HS3ST4: variants seen among roughly 807,000 people sequenced by gnomAD.
HS3ST4 encodes heparan sulfate glucosamine 3-O-sulfotransferase 4.
HS3ST4 carries 17 observed loss-of-function variants against 29.2 expected under a neutral mutation model. That is an observed-to-expected ratio of 0.58 (90% CI 0.40 to 0.87). The LOEUF (loss-of-function observed/expected upper bound fraction) is 0.87, where lower values mean the gene tolerates loss of function less well. Ranked by LOEUF, HS3ST4 falls within the 40% of genes least tolerant of loss-of-function variation. HS3ST4 has a pLI of 0.00. For synonymous variants in HS3ST4, 314 were observed against 285.7 expected, an observed-to-expected ratio of 1.10 and a Z score of -1.00; for missense variants, 627 against 634.5, an observed-to-expected ratio of 0.99 and a Z score of 0.13.
intron 1 of HS3ST4, among the ~76,000 whole-genome samples, chr16:25,751,059 G>A (rs770868863): frequency 7.2e-5 from 11 of 152,148 alleles, no homozygotes; most frequent in Non-Finnish European, 1.2e-4. Flanking sequence ...GCCACTTGAT[G>A]TGCTCATAGA....
intron 1 of HS3ST4, among the ~76,000 whole-genome samples, chr16:25,966,570 G>T (rs564495845): frequency 6.6e-6 from 1 of 152,278 alleles, no homozygotes; most frequent in South Asian, 2.1e-4. Flanking sequence ...ATATTGGCCA[G>T]CAGCTGGGGC....
At chr16:25,729,814 G>C (rs139463713) in intron 1 of HS3ST4, among the ~76,000 whole-genome samples, 1 of 152,268 alleles carries the variant, frequency 6.6e-6, no homozygotes, top group Non-Finnish European at 1.5e-5. Flanking sequence ...GGTTTTCAAT[G>C]AATTGAGAAG....
intron 1 of HS3ST4, among the ~76,000 whole-genome samples, chr16:25,972,627 C>T (rs1442683186): frequency 5.3e-5 from 8 of 152,264 alleles, no homozygotes; most frequent in South Asian, 2.1e-4. Flanking sequence ...CTTGAGAGAG[C>T]GCCAGAAAGA....
intron 1 of HS3ST4, among the ~76,000 whole-genome samples, chr16:26,030,485 C>T (rs1969521911): frequency 6.6e-6 from 1 of 152,184 alleles, no homozygotes; most frequent in Non-Finnish European, 1.5e-5. Context: ...ACGCAAAGCA[C>T]CTGAAGCCAT....
At chr16:26,120,073 G>GTA (rs1555485136) in intron 1 of HS3ST4, among the ~76,000 whole-genome samples, 2,660 of 102,584 alleles carry the variant, frequency 0.026, 80 homozygotes, top group African/African-American at 0.084. Flanking sequence ...GTGTGTGTAT[G>GTA]TGTGTGTGTG....
chr16:25,820,101 T>C (rs1039947452), intron 1 of HS3ST4, among the ~76,000 whole-genome samples: 7 of 146,980 alleles, frequency 4.8e-5, no homozygotes, highest in African/African-American at 1.8e-4. Context: ...CTCGTGTGAA[T>C]GTGTAGATCT....
At position 25,825,247 on chromosome 16, in the gene HS3ST4, A is replaced by G. The variant is rs540436744; in HGVS notation, c.734+132096A>G. 1.3e-3 allele frequency among the ~76,000 whole-genome samples: 194 copies of G among 152,366 alleles called. 1 individual carries two copies. Among genetic ancestry groups the G allele is most frequent in the Non-Finnish European group, 2.1e-3 (144 of 68,042 alleles). On this transcript the variant is annotated intron_variant, in intron 1 of 1. Coordinates refer to ENST00000331351, the MANE Select transcript of HS3ST4 (RefSeq NM_006040.3). The stretch of plus-strand genomic sequence containing the variant: ...GTAAGGATCCTCTCGTGAAACCTTC[A>G]GAGTATGACTCTGCTTACGCCTTGA...
At chr16:25,737,998 G>A (rs546212315) in intron 1 of HS3ST4, among the ~76,000 whole-genome samples, 29 of 151,488 alleles carry the variant, frequency 1.9e-4, no homozygotes, top group African/African-American at 7.0e-4. Flanking sequence ...TCCGCCTCCT[G>A]GGTTCAAGCA....
intron 1 of HS3ST4, among the ~76,000 whole-genome samples, chr16:26,078,757 A>T (rs1448895258): frequency 6.6e-6 from 1 of 152,250 alleles, no homozygotes; most frequent in Non-Finnish European, 1.5e-5. Flanking sequence ...AAGAGATTTG[A>T]CTTGGGGGCT....
At chr16:25,825,616 G>T (rs1967207634) in intron 1 of HS3ST4, 1 of 152,126 alleles carries the variant, frequency 6.6e-6, no homozygotes, top group African/African-American at 2.4e-5. Flanking sequence ...AGAATTTTTG[G>T]TCTTTTGGAA....
intron 1 of HS3ST4, among the ~76,000 whole-genome samples, chr16:26,067,193 A>G (rs1898552560): frequency 6.6e-6 from 1 of 152,196 alleles, no homozygotes; most frequent in Non-Finnish European, 1.5e-5. Flanking sequence ...TAAAATATCT[A>G]AACGTGCTTC....
At chr16:26,009,130 G>C (rs1181881272) in intron 1 of HS3ST4, among the ~76,000 whole-genome samples, 1 of 152,106 alleles carries the variant, frequency 6.6e-6, no homozygotes, top group African/African-American at 2.4e-5. Context: ...CAAACCCTTT[G>C]CTTAATTAAT....
chr16:26,042,146 C>T (rs147430519), intron 1 of HS3ST4, among the ~76,000 whole-genome samples: 65 of 152,294 alleles, frequency 4.3e-4, no homozygotes, highest in Non-Finnish European at 8.8e-4. Flanking sequence ...CCTTATGTTC[C>T]AGCATCCTGC....
chr16:26,056,779 T>G (rs1898413279), intron 1 of HS3ST4, among the ~76,000 whole-genome samples: 1 of 152,188 alleles, frequency 6.6e-6, no homozygotes, highest in African/African-American at 2.4e-5. Context: ...CTTAAAAATT[T>G]TTCATGATAA....
intron 1 of HS3ST4, among the ~76,000 whole-genome samples, chr16:25,744,658 C>T (rs1966675084): frequency 6.6e-6 from 1 of 152,150 alleles, no homozygotes; most frequent in East Asian, 1.9e-4. Flanking sequence ...TGTGTCCCCA[C>T]CCAAATCTCA....
chr16:26,018,780 A>G (rs758418534), intron 1 of HS3ST4, among the ~76,000 whole-genome samples: 4 of 151,990 alleles, frequency 2.6e-5, no homozygotes, highest in Non-Finnish European at 5.9e-5. Context: ...CTCAAACATC[A>G]ACTTTAGTTT....
chr16:25,857,924 C>CTTTCT (rs1555469168), intron 1 of HS3ST4, among the ~76,000 whole-genome samples: 6 of 42,206 alleles, frequency 1.4e-4, no homozygotes, highest in African/African-American at 8.5e-4. Flanking sequence ...TCCTTCCTTT[C>CTTTCT]TTTCTTTCTT....
chr16:25,853,069 C>T (rs1967537796), intron 1 of HS3ST4, among the ~76,000 whole-genome samples: 1 of 152,002 alleles, frequency 6.6e-6, no homozygotes, highest in African/African-American at 2.4e-5. Flanking sequence ...ACCTGTTTTC[C>T]CCAGCGTTAT....
At chr16:25,862,380 A>G (rs1357396348) in intron 1 of HS3ST4, among the ~76,000 whole-genome samples, 1 of 152,006 alleles carries the variant, frequency 6.6e-6, no homozygotes, top group African/African-American at 2.4e-5. Flanking sequence ...TTTAGTAGAA[A>G]CGGGGTTTCA....
Sources: gnomAD v4.1 joint callset for allele counts (sites outside exome capture counted in the v4.1 genomes callset) on GRCh38, gnomAD v4.1.1 for gene constraint, MANE v1.5 for transcripts, NCBI Gene and HGNC (gene_info 2026-07-23, HGNC 2026-07-21) for gene names.